FCRL4: variants seen among roughly 807,000 people sequenced by gnomAD.
The protein encoded by FCRL4 is Fc receptor-like protein 4.
A neutral mutation model predicts 64.1 loss-of-function variants in FCRL4; 43 were observed. That is an observed-to-expected ratio of 0.67 (90% CI 0.53 to 0.87). The LOEUF (loss-of-function observed/expected upper bound fraction) is 0.87. Ranked by LOEUF, FCRL4 falls within the 40% of genes least tolerant of loss-of-function variation. The pLI is 0.00. For missense variants in FCRL4, 656 were observed against 613.5 expected, an observed-to-expected ratio of 1.07 and a Z score of -0.73; for synonymous variants, 253 against 239.8, an observed-to-expected ratio of 1.05 and a Z score of -0.51.
intron 3 of FCRL4, among the ~76,000 whole-genome samples, chr1:157,588,515 T>A (rs1652760736): frequency 6.6e-6 from 1 of 151,982 alleles, no homozygotes; most frequent in African/African-American, 2.4e-5. Context: ...GACATTGGAG[T>A]GTGATTTGTA....
rs1232758883 is a variant in FCRL4 at position 157,587,607 on chromosome 1, A to T, written c.563-47T>A. On this transcript the variant is annotated intron_variant, in intron 4 of 11. Transcript: ENST00000271532. Reference sequence around the variant, plus strand: ...AGTTCTGAGCACGAGAGTATTTAGGACTCTGTGAGAGACAGGTTTGGATGC... The same window carrying T: ...AGTTCTGAGCACGAGAGTATTTAGGTCTCTGTGAGAGACAGGTTTGGATGC... The T allele has an allele frequency of 2.5e-6, 4 of 1,579,368 alleles. No individual in the cohort carries two copies. The Admixed American group carries it at 6.8e-5, about 27-fold the overall frequency.
chr1:157,587,163 G>T (rs1652719546), intron 5 of FCRL4, 113 bp downstream of exon 5: 1 of 1,244,794 alleles, frequency 8.0e-7, no homozygotes, highest in Non-Finnish European at 1.1e-6. Context: ...CTTGGCCTAA[G>T]CCTGGTGCCT....
chr1:157,588,524 T>C (rs964788889), intron 3 of FCRL4, among the ~76,000 whole-genome samples: 4 of 152,184 alleles, frequency 2.6e-5, no homozygotes, highest in Non-Finnish European at 5.9e-5. Flanking sequence ...GTGTGATTTG[T>C]AGCAGGATTC....
rs777768681 is a variant in FCRL4 at position 157,586,240 on chromosome 1, C to G, written c.1063G>C (p.Gly355Arg). The G allele has an allele frequency of 3.1e-6, 5 of 1,614,040 alleles. No individual in the cohort carries two copies. In the East Asian group the frequency reaches 1.1e-4, roughly 36 times the overall value. ...ELPAIRQSHA[G>R]GYYCTADNSY... ...TTGTCTGCTGTACAGTAGTATCCCC[C>G]TGCATGGCTCTGTCTGATGGCAGGG... The change falls in exon 6 of 12, where the codon GGG becomes CGG. Residue 355 changes from glycine to arginine, a missense_variant. Physicochemically the swap from Gly to Arg is moderately radical, Grantham distance 125. Transcript: ENST00000271532.
In FCRL4 at chr1:157,578,868, A is replaced by T. The variant is rs751726093; in HGVS notation, c.1278-16T>A. The T allele has an allele frequency of 1.3e-6, 2 of 1,598,722 alleles. No individual in the cohort carries two copies. Among genetic ancestry groups the T allele is most frequent in the Non-Finnish European group, 1.7e-6 (2 of 1,169,200 alleles). The stretch of plus-strand genomic sequence containing the variant: ...GGGAGGGAGCCTGTGAGACACAGAA[A>T]CACATAATAATCCCTGGAACACTGT... On this transcript the variant is annotated splice_polypyrimidine_tract_variant and intron_variant, in intron 8 of 11. Transcript: ENST00000271532.
In FCRL4 at chr1:157,588,024, T is replaced by C. The variant is rs1652745198; in HGVS notation, c.403A>G (p.Lys135Glu). Reference protein sequence around the residue: ...RRRKEKLTAVKYTWNGNILSI... With the variant: ...RRRKEKLTAVEYTWNGNILSI... ...AGAATGTTTCCATTCCAAGTATATT[T>C]CACAGCAGTCAATTTCTCTTTCCTT... The change falls in exon 4 of 12, where the codon AAA becomes GAA. Residue 135 changes from lysine to glutamate, a missense_variant. Physicochemically the swap from Lys to Glu is moderately conservative, Grantham distance 56 (BLOSUM62 1). Coordinates refer to ENST00000271532, the MANE Select transcript of FCRL4 (RefSeq NM_031282.3). 1 of 1,613,336 alleles carries C rather than the reference T, an allele frequency of 6.2e-7. No homozygotes were observed.
rs1558152677 is a variant in FCRL4 at position 157,578,625 on chromosome 1, C to T, written c.1361-83G>A. ...CCTCTTCCTAAGCATCATCTCCACT[C>T]TTCTTGGACACATAATGGAACAATT... is the stretch of plus-strand genomic sequence containing the variant. On this transcript the variant is annotated intron_variant, in intron 9 of 11. Transcript: ENST00000271532. 4 of 1,390,680 alleles carry T rather than the reference C, an allele frequency of 2.9e-6. No homozygotes were observed. In the East Asian group the frequency reaches 6.9e-5, roughly 24 times the overall value. The allele number at this position is 1,390,680 out of a possible 1,614,324, so 86.1% of individuals were successfully genotyped here.
At chr1:157,582,827 G>A (rs1419830939) in intron 6 of FCRL4, among the ~76,000 whole-genome samples, 1 of 152,150 alleles carries the variant, frequency 6.6e-6, no homozygotes, top group African/African-American at 2.4e-5. Flanking sequence ...GTGGAGAGCA[G>A]GACAGAAATC....
intron 6 of FCRL4, among the ~76,000 whole-genome samples, chr1:157,585,279 C>T (rs1406732841): frequency 6.6e-6 from 1 of 151,458 alleles, no homozygotes; most frequent in Non-Finnish European, 1.5e-5. Flanking sequence ...TCCTTTCCTT[C>T]CTTTCCCTCT....
chr1:157,577,326 A>AGAG (rs2101674023), intron 10 of FCRL4, among the ~76,000 whole-genome samples: 1 of 152,334 alleles, frequency 6.6e-6, no homozygotes, highest in African/African-American at 2.4e-5. Flanking sequence ...CATAGGTTGC[A>AGAG]GTTACCTAGA....
At chr1:157,596,374 T>C in intron 1 of FCRL4, 26 bp from the exon 2 acceptor site, 1 of 1,613,830 alleles carries the variant, frequency 6.2e-7, no homozygotes, top group South Asian at 1.1e-5. Context: ...GAGCCAGCCA[T>C]CAGCGTAGGC....
Position 157,574,019 on chromosome 1 carries a change from C to CT in FCRL4, c.*1504dup. 1 of 207,324 alleles carries CT rather than the reference C, an allele frequency of 4.8e-6. No individual in the cohort carries two copies. 12.8% of individuals were successfully genotyped at this position (207,324 alleles called of 1,614,324 possible). On this transcript the variant is annotated 3_prime_UTR_variant, in exon 12 of 12. Coordinates refer to ENST00000271532, the MANE Select transcript of FCRL4 (RefSeq NM_031282.3). ...ATATGTCTTCTATTTTTCTTTTTCT[C>CT]TTTTTTTGGGGGTGATACATGTGAC... is the stretch of plus-strand genomic sequence containing the variant.
At chr1:157,578,591 C>T (rs1200202804) in intron 9 of FCRL4, 49 bp from the exon 10 acceptor site, 11 of 1,483,758 alleles carry the variant, frequency 7.4e-6, no homozygotes, top group Non-Finnish European at 1.0e-5. Context: ...TATTAAAGTG[C>T]TACAGATGCC....
chr1:157,578,570 G>A (rs1228790224), intron 9 of FCRL4, 28 bp from the exon 10 acceptor site: 1 of 1,587,876 alleles, frequency 6.3e-7, no homozygotes, highest in East Asian at 2.2e-5. Flanking sequence ...TTTCAAGGCT[G>A]TTCCTGTTAG....
chr1:157,579,922 C>T (rs1176405375), intron 8 of FCRL4, among the ~76,000 whole-genome samples: 1 of 150,790 alleles, frequency 6.6e-6, no homozygotes, highest in Non-Finnish European at 1.5e-5. Context: ...GTGTATGGTG[C>T]AAAAAGAAGA....
At chr1:157,597,327 G>C (rs1277007962) in intron 1 of FCRL4, among the ~76,000 whole-genome samples, 1 of 152,182 alleles carries the variant, frequency 6.6e-6, no homozygotes, top group Non-Finnish European at 1.5e-5. Flanking sequence ...ATGAACAAAA[G>C]ACTGACTGTT....
At position 157,589,444 on chromosome 1, in the gene FCRL4, G is replaced by A. The variant is rs1288935146; in HGVS notation, c.67C>T (p.Pro23Ser). 1.2e-6 allele frequency: 2 copies of A among 1,613,914 alleles called. No homozygotes were observed. The highest frequency in any genetic ancestry group is 2.7e-5 in the African/African-American group (2 of 74,934). The stretch of plus-strand genomic sequence containing the variant: ...CATGGAGGATGGACGGAAATCACAG[G>A]TTTGTGTGCAGCTGCTGAGGAGGAA... ...VCGQSAAAHK[P>S]VISVHPPWTT... Residue 23 changes from proline (P) to serine (S), a missense_variant, in exon 3 of 12, where the codon CCT becomes TCT. Transcript: ENST00000271532.
intron 5 of FCRL4, 34 bp from the exon 6 acceptor site, chr1:157,586,489 G>T (rs1463328599): frequency 6.4e-7 from 1 of 1,573,134 alleles, no homozygotes; most frequent in Admixed American, 1.8e-5. Context: ...TGGGGGTCGG[G>T]TGTGAAGGAG....
intron 8 of FCRL4, among the ~76,000 whole-genome samples, chr1:157,579,659 A>G (rs2777966): frequency 0.45 from 68,563 of 150,930 alleles, 17,831 homozygotes; most frequent in African/African-American, 0.73. Flanking sequence ...GGAGGTTGCC[A>G]TGAGCTAAGA....
Sources: allele counts gnomAD v4.1 joint callset (sites outside exome capture counted in the v4.1 genomes callset), GRCh38; gene constraint gnomAD v4.1.1; transcripts MANE v1.5; gene names NCBI Gene and HGNC (gene_info 2026-07-23, HGNC 2026-07-21).